The following ABL1 variants were observed in gnomAD, a reference collection of about 807,000 sequenced individuals.
ABL1 encodes the protein ABL proto-oncogene 1, non-receptor tyrosine kinase, also known as tyrosine-protein kinase ABL1.
In ABL1, 11 loss-of-function variants were observed where a neutral mutation model predicts 94.7. The ratio of observed to expected loss-of-function variants is 0.12; its 90% CI spans 0.07 to 0.19. The LOEUF is 0.19. Ranked by LOEUF, ABL1 falls within the 10% of genes least tolerant of loss-of-function variation. The pLI is 1.00. For synonymous variants in ABL1, 656 were observed against 622.4 expected (o/e 1.05, Z -0.80); for missense variants, 1,082 against 1,489.4 (o/e 0.73, Z 4.50).
chr9:130,716,025 TACACACAC>T (rs3076833), intron 1 of ABL1, among the ~76,000 whole-genome samples: 1 of 144,872 alleles, frequency 6.9e-6, no homozygotes, highest in Non-Finnish European at 1.5e-5. Flanking sequence ...AATATATATA[TACACACAC>T]ACACACACAT....
intron 1 of ABL1, among the ~76,000 whole-genome samples, chr9:130,803,351 A>C (rs1346550260): frequency 6.6e-6 from 1 of 152,168 alleles, no homozygotes; most frequent in Non-Finnish European, 1.5e-5. Context: ...TCTCTTTGTT[A>C]TTCATAGTTT....
At chr9:130,742,698 G>A (rs2132714374) in intron 1 of ABL1, among the ~76,000 whole-genome samples, 1 of 152,292 alleles carries the variant, frequency 6.6e-6, no homozygotes, top group South Asian at 2.1e-4. Flanking sequence ...ATTATATAGA[G>A]TAACAGTCTT....
At chr9:130,848,951 AAAAG>A (rs1337175757) in intron 1 of ABL1, among the ~76,000 whole-genome samples, 2 of 152,214 alleles carry the variant, frequency 1.3e-5, no homozygotes, top group Admixed American at 6.5e-5. Context: ...AGAAAAAAAA[AAAAG>A]AAAAGTAAAT....
At chr9:130,820,832 G>A (rs1830350891) in intron 1 of ABL1, among the ~76,000 whole-genome samples, 1 of 152,006 alleles carries the variant, frequency 6.6e-6, no homozygotes, top group African/African-American at 2.4e-5. Flanking sequence ...GTTTTACTGA[G>A]GTGTAATTTA....
At position 130,857,633 on chromosome 9, in the gene ABL1, CT is replaced by C. The variant is rs35695882; in HGVS notation, c.549+2550del. Among the ~76,000 whole-genome samples the C allele has an allele frequency of 6.6e-3, 959 of 144,644 alleles. 10 individuals carry two copies. The highest frequency in any genetic ancestry group is 0.018 in the African/African-American group (724 of 39,942). The allele number at this position is 144,644 out of a possible 152,430, so 94.9% of individuals were successfully genotyped here. A position where few individuals can be genotyped will look rare whatever the true frequency, so the allele number is the denominator to read the frequency against. ...GGCTAGTCCCCACTTACCTTTTTAA[CT>C]TTTTTTTTTTTTGGCTGTCTTCACA... On this transcript the variant is annotated intron_variant, in intron 3 of 10. Coordinates refer to ENST00000318560, the MANE Select transcript of ABL1 (RefSeq NM_005157.6).
chr9:130,808,214 T>TTTCTTC (rs372530078), intron 1 of ABL1, among the ~76,000 whole-genome samples: 1,915 of 142,992 alleles, frequency 0.013, 19 homozygotes, highest in Middle Eastern at 0.033. Context: ...CCTAATTTCT[T>TTTCTTC]TTCTTCTTCT....
At chr9:130,805,413 A>T (rs1038182025) in intron 1 of ABL1, among the ~76,000 whole-genome samples, 1 of 152,246 alleles carries the variant, frequency 6.6e-6, no homozygotes, top group African/African-American at 2.4e-5. Context: ...TTTTAATATG[A>T]ATAAACCTTC....
At chr9:130,791,418 G>A (rs555484969) in intron 1 of ABL1, among the ~76,000 whole-genome samples, 1 of 152,296 alleles carries the variant, frequency 6.6e-6, no homozygotes, top group African/African-American at 2.4e-5. Flanking sequence ...CAACTTGATT[G>A]GGTTGAAGGA....
chr9:130,797,625 T>G lies in ABL1; in HGVS notation c.137-56439T>G, dbSNP rs148998478. ...CCTAGCCTCAAGTGATCCGCCCTCC[T>G]CAGCCTCCCAAAGTGCTGAGATTAC... is the stretch of plus-strand genomic sequence containing the variant. On this transcript the variant is annotated intron_variant, in intron 1 of 10. Coordinates refer to the ABL1 transcript ENST00000372348. 1.8e-3 allele frequency among the ~76,000 whole-genome samples: 268 copies of G among 152,302 alleles called. 2 individuals are homozygous for G. The highest frequency in any genetic ancestry group is 6.2e-3 in the African/African-American group (256 of 41,564).
intron 2 of ABL1, 111 bp downstream of exon 2, chr9:130,854,348 G>A: frequency 8.0e-7 from 1 of 1,247,538 alleles, no homozygotes; most frequent in Non-Finnish European, 1.1e-6. Flanking sequence ...AATCTGGACT[G>A]CAGGGATATC....
chr9:130,874,044 C>T (rs1045967976), intron 6 of ABL1, among the ~76,000 whole-genome samples: 6 of 152,248 alleles, frequency 3.9e-5, no homozygotes, highest in East Asian at 3.9e-4. Context: ...TTCATTCAAG[C>T]GAACTTAAAA....
chr9:130,843,743 A>G (rs1830714503), intron 1 of ABL1, among the ~76,000 whole-genome samples: 2 of 152,026 alleles, frequency 1.3e-5, no homozygotes. Flanking sequence ...AACGAACTCT[A>G]GGGAGAGTAA....
At chr9:130,807,659 T>C (rs1316803068) in intron 1 of ABL1, among the ~76,000 whole-genome samples, 2 of 144,188 alleles carry the variant, frequency 1.4e-5, no homozygotes, top group East Asian at 2.0e-4. Flanking sequence ...TTTTATACAT[T>C]CCTTAATTTT....
At chr9:130,742,762 G>A (rs1831835732) in intron 1 of ABL1, among the ~76,000 whole-genome samples, 1 of 152,118 alleles carries the variant, frequency 6.6e-6, no homozygotes, top group Admixed American at 6.6e-5. Flanking sequence ...AAACAAATAT[G>A]TGTGTATCGT....
intron 6 of ABL1, 22 bp from the exon 7 acceptor site, chr9:130,874,846 G>A: frequency 6.2e-7 from 1 of 1,613,512 alleles, no homozygotes; most frequent in Non-Finnish European, 8.5e-7. Flanking sequence ...AGCTCTCATG[G>A]GTGAACATTT....
intron 6 of ABL1, among the ~76,000 whole-genome samples, chr9:130,874,291 G>T (rs1831305085): frequency 6.6e-6 from 1 of 152,146 alleles, no homozygotes; most frequent in South Asian, 2.1e-4. Flanking sequence ...AGTTTTTTAG[G>T]ATACATTTGG....
intron 4 of ABL1, among the ~76,000 whole-genome samples, chr9:130,866,844 A>C (rs746069175): frequency 6.6e-6 from 1 of 152,062 alleles, no homozygotes; most frequent in Non-Finnish European, 1.5e-5. Flanking sequence ...AAGAAGCTCT[A>C]ATTTTTTTTG....
intron 3 of ABL1, among the ~76,000 whole-genome samples, chr9:130,860,892 T>C (rs1353655946): frequency 6.6e-6 from 1 of 152,212 alleles, no homozygotes; most frequent in Non-Finnish European, 1.5e-5. Context: ...GTTTTCTTTG[T>C]GTGCAGCACT....
chr9:130,793,502 T>C (rs1423167641), intron 1 of ABL1, among the ~76,000 whole-genome samples: 5 of 152,226 alleles, frequency 3.3e-5, no homozygotes, highest in East Asian at 1.9e-4. Context: ...ATTTGCTGAT[T>C]GTCCTCTCTA....
Sources: allele counts gnomAD v4.1 joint callset (sites outside exome capture counted in the v4.1 genomes callset), GRCh38; gene constraint gnomAD v4.1.1; transcripts MANE v1.5; gene names NCBI Gene and HGNC (gene_info 2026-07-23, HGNC 2026-07-21).